The following ZNF385B variants were observed in gnomAD, a reference collection of about 807,000 sequenced individuals.
ZNF385B encodes zinc finger protein 533.
ZNF385B carries 23 observed loss-of-function variants against 39.2 expected under a neutral mutation model. The ratio of observed to expected loss-of-function variants is 0.59; its 90% CI spans 0.42 to 0.83. The LOEUF (loss-of-function observed/expected upper bound fraction) is 0.83, where lower values mean the gene tolerates loss of function less well. ZNF385B is among the 40% of genes least tolerant of loss of function. The probability of loss-of-function intolerance (pLI) is 0.00; values close to 1 mark genes in which losing one functional copy is unlikely to be tolerated. For missense variants in ZNF385B, 552 were observed against 598.9 expected (o/e 0.92, Z 0.82); for synonymous variants, 205 against 222.6 (o/e 0.92, Z 0.70).
At chr2:179,447,469 G>A (rs2049619270) in intron 6 of ZNF385B, among the ~76,000 whole-genome samples, 1 of 152,174 alleles carries the variant, frequency 6.6e-6, no homozygotes, top group Non-Finnish European at 1.5e-5. Context: ...GTTTGATCAT[G>A]TAGCTATTAA....
intron 3 of ZNF385B, among the ~76,000 whole-genome samples, chr2:179,561,198 CCT>C (rs112803703): frequency 5.7e-4 from 86 of 152,212 alleles, no homozygotes; most frequent in African/African-American, 1.5e-3. Flanking sequence ...ATGATCATCC[CCT>C]GTTTTTCTGA....
At chr2:179,517,500 T>C (rs2058173489) in intron 5 of ZNF385B, among the ~76,000 whole-genome samples, 1 of 149,962 alleles carries the variant, frequency 6.7e-6, no homozygotes, top group Admixed American at 6.6e-5. Flanking sequence ...TAAATCATGA[T>C]AAACATCTCT....
chr2:179,665,814 T>C (rs1218188346), intron 3 of ZNF385B, among the ~76,000 whole-genome samples: 1 of 151,362 alleles, frequency 6.6e-6, no homozygotes, highest in African/African-American at 2.5e-5. Context: ...GTGCTATCTT[T>C]TTTTTTTTTC....
In ZNF385B at chr2:179,750,442, G is replaced by A. The variant is rs1033387544; in HGVS notation, c.298+19061C>T. 1.5e-4 allele frequency among the ~76,000 whole-genome samples: 23 copies of A among 152,236 alleles called. No homozygotes were observed. The East Asian group carries it at 4.4e-3, about 29-fold the overall frequency. On this transcript the variant is annotated intron_variant, in intron 3 of 9. Coordinates refer to ENST00000410066, the MANE Select transcript of ZNF385B (RefSeq NM_152520.6). ...CAATTCTCAGTAAGACAATGACTTA[G>A]AAAAGTATATCAGTATTCCTTCTAC...
chr2:179,781,692 T>C (rs774598025), intron 1 of ZNF385B, among the ~76,000 whole-genome samples: 6 of 152,092 alleles, frequency 3.9e-5, no homozygotes, highest in Non-Finnish European at 7.4e-5. Context: ...AACACCTCTA[T>C]ATACTCTATA....
At chr2:179,560,965 C>T (rs16866776) in intron 3 of ZNF385B, among the ~76,000 whole-genome samples, 24,165 of 152,152 alleles carry the variant, frequency 0.16, 2,012 homozygotes, top group African/African-American at 0.18. Context: ...GCTCCCACGA[C>T]GGTATCTGCC....
At chr2:179,446,977 A>G (rs910465478) in intron 6 of ZNF385B, among the ~76,000 whole-genome samples, 1 of 152,194 alleles carries the variant, frequency 6.6e-6, no homozygotes, top group African/African-American at 2.4e-5. Flanking sequence ...GGTCATCCCA[A>G]GATAAGGATG....
intron 5 of ZNF385B, among the ~76,000 whole-genome samples, chr2:179,493,683 A>ATG (rs1157612836): frequency 9.3e-6 from 1 of 107,174 alleles, no homozygotes; most frequent in African/African-American, 3.4e-5. Flanking sequence ...GCATATACAT[A>ATG]TACACATATA....
intron 1 of ZNF385B, among the ~76,000 whole-genome samples, chr2:179,785,833 T>C (rs1704963496): frequency 2.0e-5 from 3 of 152,184 alleles, no homozygotes. Flanking sequence ...GTTTAGAATA[T>C]TTCATAAATT....
intron 3 of ZNF385B, chr2:179,637,081 T>A (rs1257388225): frequency 6.6e-5 from 10 of 152,206 alleles, no homozygotes; most frequent in Non-Finnish European, 2.9e-5. Context: ...TCTAGCATAC[T>A]CACTAGCAAG....
intron 1 of ZNF385B, among the ~76,000 whole-genome samples, chr2:179,843,398 T>C (rs1708642982): frequency 6.6e-6 from 1 of 152,202 alleles, no homozygotes; most frequent in South Asian, 2.1e-4. Flanking sequence ...CTTGAATAAG[T>C]TTAGATTCAT....
At chr2:179,831,493 A>G (rs556115053) in intron 1 of ZNF385B, among the ~76,000 whole-genome samples, 3 of 144,966 alleles carry the variant, frequency 2.1e-5, no homozygotes, top group Non-Finnish European at 4.6e-5. Flanking sequence ...AGTTGCTTTG[A>G]AAAAAAAAAA....
At chr2:179,756,123 G>A (rs1351609362) in intron 3 of ZNF385B, among the ~76,000 whole-genome samples, 2 of 151,970 alleles carry the variant, frequency 1.3e-5, no homozygotes, top group Non-Finnish European at 2.9e-5. Context: ...GGTACCCGTT[G>A]TTCCTTTCCA....
At chr2:179,722,444 C>G (rs1019011145) in intron 3 of ZNF385B, among the ~76,000 whole-genome samples, 1 of 152,022 alleles carries the variant, frequency 6.6e-6, no homozygotes, top group Admixed American at 6.6e-5. Context: ...CTTGCACATA[C>G]ACAGAAACTT....
intron 3 of ZNF385B, among the ~76,000 whole-genome samples, chr2:179,735,791 C>A (rs920922128): frequency 6.7e-6 from 1 of 149,510 alleles, no homozygotes; most frequent in Non-Finnish European, 1.5e-5. Context: ...AACTAAAAAC[C>A]AAACACCGCA....
At chr2:179,694,689 G>T (rs867263031) in intron 3 of ZNF385B, among the ~76,000 whole-genome samples, 85 of 152,158 alleles carry the variant, frequency 5.6e-4, no homozygotes, top group African/African-American at 1.9e-3. Flanking sequence ...CAGCAATTTG[G>T]GAGGTCAAGG....
intron 4 of ZNF385B, chr2:179,522,836 G>T (rs1182906265): frequency 2.6e-6 from 1 of 385,428 alleles, no homozygotes; most frequent in Non-Finnish European, 5.2e-6. Flanking sequence ...CTTTTTTAAA[G>T]AAAAAAATAC....
At chr2:179,677,823 A>G (rs977137614) in intron 3 of ZNF385B, among the ~76,000 whole-genome samples, 3 of 152,278 alleles carry the variant, frequency 2.0e-5, no homozygotes, top group Non-Finnish European at 1.5e-5. Context: ...CTTCTTCTAA[A>G]ACACCATTTG....
chr2:179,450,545 G>GTC (rs1434389529), intron 6 of ZNF385B, among the ~76,000 whole-genome samples: 1 of 151,872 alleles, frequency 6.6e-6, no homozygotes, highest in East Asian at 1.9e-4. Context: ...CAAAACCACA[G>GTC]TGAGATACCA....
Sources: allele counts gnomAD v4.1 joint callset (sites outside exome capture counted in the v4.1 genomes callset), GRCh38; gene constraint gnomAD v4.1.1; transcripts MANE v1.5; gene names NCBI Gene and HGNC (gene_info 2026-07-23, HGNC 2026-07-21).